FMNL2: variants seen among roughly 807,000 people sequenced by gnomAD.
FMNL2 encodes formin-like protein 2.
FMNL2 carries 51 observed loss-of-function variants against 130.2 expected under a neutral mutation model. The ratio of observed to expected loss-of-function variants is 0.39; its 90% CI spans 0.31 to 0.49. FMNL2 has a LOEUF of 0.49. Among genes scored for constraint, FMNL2 ranks in the 20% least tolerant of loss-of-function variants. The pLI is 0.85. For missense variants in FMNL2, 977 were observed against 1,316.2 expected, an observed-to-expected ratio of 0.74 and a Z score of 3.99; for synonymous variants, 465 against 467.1, an observed-to-expected ratio of 1.00 and a Z score of 0.06.
intron 1 of FMNL2, among the ~76,000 whole-genome samples, chr2:152,461,044 C>T (rs571228265): frequency 1.3e-5 from 2 of 152,256 alleles, no homozygotes; most frequent in East Asian, 3.9e-4. Context: ...TCCCTGGTTC[C>T]TGGTACCAGA....
intron 1 of FMNL2, among the ~76,000 whole-genome samples, chr2:152,349,505 C>CT (rs1487167649): frequency 6.6e-6 from 1 of 152,198 alleles, no homozygotes; most frequent in Non-Finnish European, 1.5e-5. Flanking sequence ...TGAGTTAGCT[C>CT]TAAGATGTCA....
chr2:152,407,494 C>T (rs975429917), intron 1 of FMNL2, among the ~76,000 whole-genome samples: 2 of 152,230 alleles, frequency 1.3e-5, no homozygotes, highest in South Asian at 4.2e-4. Flanking sequence ...TCACATTTCT[C>T]GGTTCACTGG....
At chr2:152,553,802 T>C (rs1579948786) in intron 4 of FMNL2, among the ~76,000 whole-genome samples, 1 of 151,880 alleles carries the variant, frequency 6.6e-6, no homozygotes, top group Admixed American at 6.6e-5. Flanking sequence ...ATTCTTCAAA[T>C]CCAAAAAAAA....
chr2:152,640,259 G>C (rs547942917), intron 24 of FMNL2, among the ~76,000 whole-genome samples: 3 of 152,198 alleles, frequency 2.0e-5, no homozygotes, highest in African/African-American at 4.8e-5. Flanking sequence ...GAGCATGTTT[G>C]TGTAGCATAT....
chr2:152,610,567 A>G (rs527958706), intron 10 of FMNL2, among the ~76,000 whole-genome samples: 2 of 152,378 alleles, frequency 1.3e-5, no homozygotes, highest in African/African-American at 2.4e-5. Context: ...GTGGTCTTCT[A>G]TAACGGGTTT....
chr2:152,637,464 C>A, intron 22 of FMNL2, 109 bp from the exon 23 acceptor site: 1 of 816,596 alleles, frequency 1.2e-6, no homozygotes, highest in South Asian at 1.6e-5. Context: ...CAACGCAAGG[C>A]CATGGGAGCC....
In FMNL2 at chr2:152,522,537, C is replaced by T. The variant is rs147907646; in HGVS notation, c.201+511C>T. ...ATTCCCACATGTTATGAGAGGAACC[C>T]GGTGGGAGGTAATTGAATTATGGGG... On this transcript the variant is annotated intron_variant, in intron 2 of 25. Transcript: ENST00000288670. Among the ~76,000 whole-genome samples the T allele has an allele frequency of 1.8e-3, 267 of 152,248 alleles. 1 individual carries two copies. Among genetic ancestry groups the T allele is most frequent in the African/African-American group, 5.9e-3 (244 of 41,540 alleles).
rs147104549 is a variant in FMNL2, at chr2:152,541,624, T to C, written c.202-1115T>C. ...AGTCCTCCAACCATGACTTTCAGGC[T>C]GATCATCTCCAAGTACGCATATATA... On this transcript the variant is annotated intron_variant, in intron 2 of 25. Coordinates refer to ENST00000288670, the MANE Select transcript of FMNL2 (RefSeq NM_052905.4). 5.0e-3 allele frequency among the ~76,000 whole-genome samples: 754 copies of C among 152,312 alleles called. 4 individuals carry two copies. The highest frequency in any genetic ancestry group is 0.018 in the African/African-American group (729 of 41,564).
chr2:152,555,676 A>G (rs1461002303), intron 4 of FMNL2, among the ~76,000 whole-genome samples: 1 of 152,170 alleles, frequency 6.6e-6, no homozygotes, highest in African/African-American at 2.4e-5. Flanking sequence ...CCAGCTCCTA[A>G]GCATCTGATT....
chr2:152,561,418 T>G (rs1695514530), intron 6 of FMNL2, among the ~76,000 whole-genome samples: 1 of 152,068 alleles, frequency 6.6e-6, no homozygotes, highest in South Asian at 2.1e-4. Context: ...TTGTTACCCT[T>G]TGTCCTTCCG....
At chr2:152,335,892 A>G (rs1376967539) in intron 1 of FMNL2, among the ~76,000 whole-genome samples, 172 bp downstream of exon 1, 1 of 150,226 alleles carries the variant, frequency 6.7e-6, no homozygotes, top group Non-Finnish European at 1.5e-5. Context: ...CCCCCCTGGC[A>G]GTCCCCCGCG....
Position 152,437,470 on chromosome 2 carries a change from C to T in FMNL2, c.118-84473C>T, listed in dbSNP as rs150416870. Among the ~76,000 whole-genome samples, 89 of 151,932 alleles carry T rather than the reference C, an allele frequency of 5.9e-4. 1 individual carries two copies. Among genetic ancestry groups the T allele is most frequent in the East Asian group, 3.5e-3 (18 of 5,186 alleles). The stretch of plus-strand genomic sequence containing the variant: ...GCAGTGGTAGAAGAATAATAATGCA[C>T]CCCCCCTGCGGTGAAAAAGATGCTC... On this transcript the variant is annotated intron_variant, in intron 1 of 25. Coordinates refer to ENST00000288670, the MANE Select transcript of FMNL2 (RefSeq NM_052905.4).
At chr2:152,371,590 A>T (rs1445601768) in intron 1 of FMNL2, among the ~76,000 whole-genome samples, 1 of 148,252 alleles carries the variant, frequency 6.7e-6, no homozygotes, top group African/African-American at 2.5e-5. Flanking sequence ...AATCGCTTGA[A>T]CCTGGGAGGC....
intron 21 of FMNL2, among the ~76,000 whole-genome samples, chr2:152,636,196 T>C (rs1682591105): frequency 6.6e-6 from 1 of 152,224 alleles, no homozygotes; most frequent in Admixed American, 6.5e-5. Flanking sequence ...CTGCTTTTGC[T>C]CATTGACAAA....
intron 9 of FMNL2, among the ~76,000 whole-genome samples, chr2:152,603,062 T>A (rs1447556589): frequency 6.6e-6 from 1 of 152,222 alleles, no homozygotes; most frequent in Non-Finnish European, 1.5e-5. Flanking sequence ...ACTTGTTTAA[T>A]GATTGCTAAA....
intron 9 of FMNL2, among the ~76,000 whole-genome samples, chr2:152,602,277 G>T (rs1698119642): frequency 6.6e-6 from 1 of 152,166 alleles, no homozygotes; most frequent in Admixed American, 6.5e-5. Context: ...CATTAACTGG[G>T]ATCGTGAATT....
At chr2:152,614,741 T>TCAAAACAAAAAAAAACAAAA in intron 11 of FMNL2, 110 bp from the exon 12 acceptor site, 1 of 1,023,874 alleles carries the variant, frequency 9.8e-7, no homozygotes, top group Non-Finnish European at 1.4e-6. Context: ...AAACTCCATC[T>TCAAAACAAAAAAAAACAAAA]CAAAACAAAA....
Position 152,542,753 on chromosome 2 carries a change from G to A in FMNL2, c.216G>A (p.Val72=). Residue 72 remains valine, a synonymous_variant, in exon 3 of 26, where the codon GTG becomes GTA. Coordinates refer to ENST00000288670, the MANE Select transcript of FMNL2 (RefSeq NM_052905.4). ...ELICDQERFQ[V]KNPPHTYIQK... is the part of the protein sequence containing the mutation. Reference sequence around the variant, plus strand: ...GCTTTCTGCAGGAACGATTCCAGGTGAAGAATCCTCCCCATACATACATTC... The same window carrying A: ...GCTTTCTGCAGGAACGATTCCAGGTAAAGAATCCTCCCCATACATACATTC... The A allele has an allele frequency of 6.2e-7, 1 of 1,614,034 alleles. No individual in the cohort carries two copies. Among genetic ancestry groups the A allele is most frequent in the South Asian group, 1.1e-5 (1 of 91,078 alleles).
intron 1 of FMNL2, among the ~76,000 whole-genome samples, chr2:152,444,708 C>T (rs1223008954): frequency 6.6e-6 from 1 of 152,186 alleles, no homozygotes; most frequent in Non-Finnish European, 1.5e-5. Flanking sequence ...ATGATTTTAA[C>T]ATAGTTGTGG....
Sources: gnomAD v4.1 joint callset for allele counts (sites outside exome capture counted in the v4.1 genomes callset) on GRCh38, gnomAD v4.1.1 for gene constraint, MANE v1.5 for transcripts, NCBI Gene and HGNC (gene_info 2026-07-23, HGNC 2026-07-21) for gene names.